Variants in BAZ2B observed in about 807,000 individuals in gnomAD.
BAZ2B encodes bromodomain adjacent to zinc finger domain 2B.
A neutral mutation model predicts 246.0 loss-of-function variants in BAZ2B; 91 were observed. The ratio of observed to expected loss-of-function variants is 0.37; its 90% CI spans 0.31 to 0.44. The LOEUF is 0.44. Among genes scored for constraint, BAZ2B ranks in the 20% least tolerant of loss-of-function variants. The pLI is 1.00. For missense variants in BAZ2B, 2,332 were observed against 2,533.7 expected, an observed-to-expected ratio of 0.92 and a Z score of 1.71; for synonymous variants, 855 against 860.0, an observed-to-expected ratio of 0.99 and a Z score of 0.10.
upstream of BAZ2B, among the ~76,000 whole-genome samples, chr2:159,620,365 C>T (rs1157960776): frequency 1.3e-5 from 2 of 152,118 alleles, no homozygotes; most frequent in Middle Eastern, 3.2e-3. Flanking sequence ...TGAGTGCTTG[C>T]TATATGCTAC....
intron 1 of BAZ2B, among the ~76,000 whole-genome samples, chr2:159,602,000 T>A (rs1283507553): frequency 2.0e-5 from 3 of 152,060 alleles, no homozygotes; most frequent in Admixed American, 6.6e-5. Flanking sequence ...AACTGAAAAA[T>A]TATTAAAAAC....
the BAZ2B span, among the ~76,000 whole-genome samples, chr2:159,675,558 G>A: frequency 1.3e-5 from 2 of 152,002 alleles, no homozygotes; most frequent in Admixed American, 6.6e-5. Context: ...ACTAAAAAAC[G>A]GATCAATTAT....
intron 3 of BAZ2B, among the ~76,000 whole-genome samples, chr2:159,474,589 T>A (rs541278557): frequency 3.3e-5 from 5 of 152,220 alleles, no homozygotes; most frequent in African/African-American, 4.8e-5. Context: ...GTGAATTTCA[T>A]CCTGTCATTA....
the BAZ2B span, among the ~76,000 whole-genome samples, chr2:159,663,716 A>T: frequency 6.6e-6 from 1 of 151,030 alleles, no homozygotes; most frequent in African/African-American, 2.4e-5. Flanking sequence ...ACGGGGTTTC[A>T]CTATGTTGGC....
At chr2:159,491,708 G>A (rs1294458031) in intron 2 of BAZ2B, among the ~76,000 whole-genome samples, 1 of 37,890 alleles carries the variant, frequency 2.6e-5, no homozygotes, top group Non-Finnish European at 5.0e-5. Flanking sequence ...GCGACAGAGC[G>A]AGACTCCGTC....
chr2:159,374,735 C>T lies in BAZ2B; in HGVS notation c.4024G>A (p.Ala1342Thr). Residue 1342 changes from alanine (A) to threonine (T), a missense_variant, in exon 26 of 37, where the codon GCA (alanine) becomes ACA (threonine). Around this residue, in one of 9 missense-constraint regions of BAZ2B, gnomAD observed 676 missense variants for 668.6 expected, o/e 1.01. Transcript: ENST00000392783. ...CEDEDEGDQAASVEELEKQIE... is the reference protein window; with the variant it reads ...CEDEDEGDQATSVEELEKQIE... ...TGTTTTTCCAGCTCTTCAACACTTG[C>T]TGCTTGGTCACCTTCATCCTATACA... is the stretch of plus-strand genomic sequence containing the variant. 6.2e-7 allele frequency: 1 copy of T among 1,612,950 alleles called. No individual in the cohort carries two copies. Among genetic ancestry groups the T allele is most frequent in the South Asian group, 1.1e-5 (1 of 91,066 alleles).
chr2:159,481,424 A>C (rs2079214248), intron 2 of BAZ2B, among the ~76,000 whole-genome samples: 1 of 150,898 alleles, frequency 6.6e-6, no homozygotes, highest in South Asian at 2.1e-4. Context: ...GTATAATAAA[A>C]AATATATATA....
intron 4 of BAZ2B, among the ~76,000 whole-genome samples, chr2:159,452,816 T>C (rs1158125515): frequency 1.3e-5 from 2 of 152,098 alleles, no homozygotes; most frequent in African/African-American, 4.8e-5. Context: ...TACAGAAAAA[T>C]AGGCTGGGCA....
At chr2:159,486,814 A>T (rs2079889944) in intron 2 of BAZ2B, among the ~76,000 whole-genome samples, 1 of 152,094 alleles carries the variant, frequency 6.6e-6, no homozygotes, top group South Asian at 2.1e-4. Context: ...ATTAGATTTT[A>T]AAAATCTTTA....
At chr2:159,563,060 G>A (rs770431525) in intron 1 of BAZ2B, among the ~76,000 whole-genome samples, 2 of 152,046 alleles carry the variant, frequency 1.3e-5, no homozygotes, top group Non-Finnish European at 2.9e-5. Context: ...TAATAATACA[G>A]CGGTCAAAGA....
the BAZ2B span, among the ~76,000 whole-genome samples, chr2:159,707,823 T>C: frequency 6.7e-6 from 1 of 149,902 alleles, no homozygotes; most frequent in Non-Finnish European, 1.5e-5. Context: ...CAAGACTCCA[T>C]CTCAAAAAAA....
At chr2:159,317,826 G>A (rs2062269078), downstream of BAZ2B, among the ~76,000 whole-genome samples, 1 of 152,040 alleles carries the variant, frequency 6.6e-6, no homozygotes, top group African/African-American at 2.4e-5. Context: ...CAAGGGCACT[G>A]GGAGTGCATG....
the BAZ2B span, among the ~76,000 whole-genome samples, chr2:159,710,370 G>A: frequency 7.9e-5 from 12 of 151,892 alleles, no homozygotes; most frequent in South Asian, 1.0e-3. Context: ...CACCACGCCC[G>A]GCTAATTTTT....
chr2:159,527,928 G>A (rs1235869096), intron 2 of BAZ2B, among the ~76,000 whole-genome samples: 2 of 152,174 alleles, frequency 1.3e-5, no homozygotes, highest in Non-Finnish European at 2.9e-5. Flanking sequence ...GGAAGGCTAT[G>A]TCAGGAAGGG....
At chr2:159,703,524 A>C in the BAZ2B span, among the ~76,000 whole-genome samples, 2 of 152,210 alleles carry the variant, frequency 1.3e-5, no homozygotes, top group African/African-American at 4.8e-5. Context: ...AAATGTAGTC[A>C]AAATTAATCC....
chr2:159,478,547 T>G, intron 3 of BAZ2B, 28 bp downstream of exon 3: 1 of 1,569,538 alleles, frequency 6.4e-7, no homozygotes, highest in Non-Finnish European at 8.6e-7. Flanking sequence ...AATGGCATTC[T>G]AAAATTGAGT....
chr2:159,324,417 T>C (rs1387205638), intron 36 of BAZ2B, among the ~76,000 whole-genome samples: 1 of 152,178 alleles, frequency 6.6e-6, no homozygotes, highest in African/African-American at 2.4e-5. Context: ...TAAATCCATA[T>C]GACGTGTGGT....
chr2:159,689,241 C>A, the BAZ2B span: 1 of 477,790 alleles, frequency 2.1e-6, no homozygotes, highest in South Asian at 1.9e-5. Flanking sequence ...ACTGGTGGTT[C>A]ATATCCATCA....
chr2:159,370,112 T>C (rs1157528781), intron 27 of BAZ2B, among the ~76,000 whole-genome samples: 8 of 152,076 alleles, frequency 5.3e-5, no homozygotes, highest in Admixed American at 2.6e-4. Flanking sequence ...TAGGTGGGAA[T>C]TGAACAATGA....
Sources: gnomAD v4.1 joint callset for allele counts (sites outside exome capture counted in the v4.1 genomes callset) on GRCh38, gnomAD v4.1.1 for gene constraint, gnomAD v4.1.1 regional missense constraint, MANE v1.5 for transcripts, NCBI Gene and HGNC (gene_info 2026-07-23, HGNC 2026-07-21) for gene names.